The following CSNK1A1 variants were observed in gnomAD, a reference collection of about 807,000 sequenced individuals.
The protein encoded by CSNK1A1 is casein kinase I isoform alpha.
In CSNK1A1, 7 loss-of-function variants were observed where a neutral mutation model predicts 46.1. That is an observed-to-expected ratio of 0.15 (90% CI 0.09 to 0.29). The LOEUF is 0.29. CSNK1A1 is among the 10% of genes least tolerant of loss of function. The probability of loss-of-function intolerance (pLI) is 1.00; values close to 1 mark genes in which losing one functional copy is unlikely to be tolerated. For missense variants in CSNK1A1, 96 were observed against 417.1 expected, an observed-to-expected ratio of 0.23 and a Z score of 6.71; for synonymous variants, 137 against 141.5, an observed-to-expected ratio of 0.97 and a Z score of 0.23.
intron 4 of CSNK1A1, among the ~76,000 whole-genome samples, chr5:149,515,471 C>T (rs548330553): frequency 1.8e-4 from 28 of 152,252 alleles, no homozygotes; most frequent in African/African-American, 6.7e-4. Context: ...TATGTAAACA[C>T]GATCTTCTTA....
At chr5:149,502,967 C>T in intron 9 of CSNK1A1, 1 of 729,342 alleles carries the variant, frequency 1.4e-6, no homozygotes, top group East Asian at 1.3e-4. Context: ...TGGGTTTCCA[C>T]CATGTTGGCC....
At chr5:149,505,129 C>T (rs959967936) in intron 9 of CSNK1A1, 45 of 1,025,554 alleles carry the variant, frequency 4.4e-5, no homozygotes, top group Admixed American at 5.4e-5. Context: ...ATTCCCAACA[C>T]CAAATTTTTG....
rs574725741 is a variant in CSNK1A1, at chr5:149,535,226, G to A, written c.231-10055C>T. Among the ~76,000 whole-genome samples the A allele has an allele frequency of 4.6e-5, 7 of 152,140 alleles. No homozygotes were observed. In the East Asian group the frequency reaches 5.8e-4, roughly 13 times the overall value. On this transcript the variant is annotated intron_variant, in intron 2 of 9. Transcript: ENST00000377843. ...ACTCTCCTCCTGCTTTATTAATTCC[G>A]AATTTCCACCAAGGGGATGAGTCCT...
At chr5:149,526,292 T>G (rs1233884726) in intron 2 of CSNK1A1, among the ~76,000 whole-genome samples, 1 of 152,156 alleles carries the variant, frequency 6.6e-6, no homozygotes, top group African/African-American at 2.4e-5. Context: ...CGTGCCATCA[T>G]GCCCAGCTAA....
At chr5:149,514,436 A>C (rs1303424469) in intron 4 of CSNK1A1, among the ~76,000 whole-genome samples, 1 of 152,204 alleles carries the variant, frequency 6.6e-6, no homozygotes. Context: ...TCATAAAATC[A>C]CCTATTATGC....
Position 149,522,857 on chromosome 5 carries a change from T to C in CSNK1A1, c.357+2188A>G, listed in dbSNP as rs191164341. Among the ~76,000 whole-genome samples, 16 of 152,332 alleles carry C rather than the reference T, an allele frequency of 1.1e-4. No homozygotes were observed. In the East Asian group the frequency reaches 2.9e-3, roughly 28 times the overall value. ...CATCTTTCTTTATTAGACTCTAAGTTTCTTTCTAGAGGGAAGAGACTAATT... is the reference window on the plus strand; with the variant it reads ...CATCTTTCTTTATTAGACTCTAAGTCTCTTTCTAGAGGGAAGAGACTAATT... On this transcript the variant is annotated intron_variant, in intron 3 of 9. Coordinates refer to ENST00000377843, the MANE Select transcript of CSNK1A1 (RefSeq NM_001892.6).
intron 4 of CSNK1A1, among the ~76,000 whole-genome samples, chr5:149,514,315 T>G (rs560860189): frequency 6.6e-6 from 1 of 152,292 alleles, no homozygotes; most frequent in African/African-American, 2.4e-5. Context: ...ACTCCAGAAC[T>G]TAAGCCTTTT....
intron 3 of CSNK1A1, among the ~76,000 whole-genome samples, chr5:149,521,802 A>G (rs1233930725): frequency 6.6e-6 from 1 of 151,710 alleles, no homozygotes; most frequent in Non-Finnish European, 1.5e-5. Context: ...TTTTTAGTAG[A>G]GACAGGGTTT....
Position 149,505,591 on chromosome 5 carries a change from G to A in CSNK1A1, c.862C>T (p.Leu288=), listed in dbSNP as rs1760995575. 1 of 1,613,188 alleles carries A rather than the reference G, an allele frequency of 6.2e-7. No homozygotes were observed. Among genetic ancestry groups the A allele is most frequent in the Non-Finnish European group, 8.5e-7 (1 of 1,179,542 alleles). ...AATGTGTAGTCATATTGATGGTTCA[G>A]GGTCCTGGAACACATAAAATATTTT... ...RQLFRILFRT[L]NHQYDYTFDW... The change falls in exon 9 of 10, where the codon CTG becomes TTG. Residue 288 remains leucine, a synonymous_variant. Coordinates refer to ENST00000377843, the MANE Select transcript of CSNK1A1 (RefSeq NM_001892.6).
In CSNK1A1 at chr5:149,507,144, A is replaced by G. The variant is rs1761058050; in HGVS notation, c.751-11T>C. 6.3e-7 allele frequency: 1 copy of G among 1,584,760 alleles called. No homozygotes were observed. Among genetic ancestry groups the G allele is most frequent in the Admixed American group, 1.7e-5 (1 of 57,960 alleles). On this transcript the variant is annotated splice_polypyrimidine_tract_variant and intron_variant, in intron 7 of 9. Coordinates refer to ENST00000377843, the MANE Select transcript of CSNK1A1 (RefSeq NM_001892.6). ...TTCTGCAGGAAACCCCTATAGGTTC[A>G]AGGGTTAAAACAAAGTTAAAAACAA...
chr5:149,520,156 G>C (rs570362664), intron 4 of CSNK1A1, 134 bp downstream of exon 4: 1 of 574,332 alleles, frequency 1.7e-6, no homozygotes, highest in South Asian at 2.6e-5. Flanking sequence ...TATCCTCATA[G>C]CACAATCTTT....
chr5:149,520,512 G>T, intron 3 of CSNK1A1, 124 bp from the exon 4 acceptor site: 2 of 574,870 alleles, frequency 3.5e-6, no homozygotes, highest in South Asian at 2.4e-5. Flanking sequence ...AAAATGAAAT[G>T]GAAAGGACAA....
chr5:149,518,571 T>C (rs1057117298), intron 4 of CSNK1A1, among the ~76,000 whole-genome samples: 1 of 152,126 alleles, frequency 6.6e-6, no homozygotes, highest in African/African-American at 2.4e-5. Flanking sequence ...TAATCTAAAA[T>C]GTTCAAGAGC....
At chr5:149,540,325 A>G (rs1159685321) in intron 2 of CSNK1A1, among the ~76,000 whole-genome samples, 14 of 152,170 alleles carry the variant, frequency 9.2e-5, no homozygotes, top group Admixed American at 9.2e-4. Flanking sequence ...TACTCTCTTC[A>G]GCTAAACCGT....
At chr5:149,522,266 T>C (rs1580839315) in intron 3 of CSNK1A1, among the ~76,000 whole-genome samples, 1 of 152,044 alleles carries the variant, frequency 6.6e-6, no homozygotes, top group East Asian at 1.9e-4. Flanking sequence ...CGCGTTACCA[T>C]GCCCAGCTAA....
chr5:149,497,792 G>A lies in CSNK1A1; in HGVS notation c.1007-932C>T, dbSNP rs796801388. 2.0e-6 allele frequency: 2 copies of A among 985,294 alleles called. 1 individual carries two copies. The highest frequency in any genetic ancestry group is 3.5e-5 in the African/African-American group (2 of 57,296). 61.0% of individuals were successfully genotyped at this position (985,294 alleles called of 1,614,324 possible). ...AATCAATCCTCACTTCTTCAGCCCAGGTCATGTTTTCTTCAATCATAAACT... is the reference window on the plus strand; with the variant it reads ...AATCAATCCTCACTTCTTCAGCCCAAGTCATGTTTTCTTCAATCATAAACT... On this transcript the variant is annotated intron_variant, in intron 9 of 9. Transcript: ENST00000377843.
intron 2 of CSNK1A1, among the ~76,000 whole-genome samples, chr5:149,526,978 T>C (rs1391489729): frequency 1.3e-5 from 2 of 152,216 alleles, no homozygotes; most frequent in Non-Finnish European, 2.9e-5. Flanking sequence ...ACCTGACACA[T>C]GGATAACTGC....
chr5:149,524,000 A>C (rs987061390), intron 3 of CSNK1A1, among the ~76,000 whole-genome samples: 2 of 152,176 alleles, frequency 1.3e-5, no homozygotes, highest in Non-Finnish European at 2.9e-5. Flanking sequence ...CTCAAATACC[A>C]TGTCTGTTTA....
chr5:149,498,291 C>T, intron 9 of CSNK1A1: 1 of 984,896 alleles, frequency 1.0e-6, no homozygotes, highest in Middle Eastern at 5.2e-4. Flanking sequence ...ATCTTTGTTG[C>T]CTGGGTACTA....
Sources: gnomAD v4.1 joint callset for allele counts (sites outside exome capture counted in the v4.1 genomes callset) on GRCh38, gnomAD v4.1.1 for gene constraint, MANE v1.5 for transcripts, NCBI Gene and HGNC (gene_info 2026-07-23, HGNC 2026-07-21) for gene names.